The following KCNH5 variants were observed in gnomAD, a reference collection of about 807,000 sequenced individuals.
The protein encoded by KCNH5 is voltage-gated delayed rectifier potassium channel KCNH5.
A neutral mutation model predicts 96.1 loss-of-function variants in KCNH5; 46 were observed. The ratio of observed to expected loss-of-function variants is 0.48; its 90% confidence interval spans 0.38 to 0.61. The LOEUF is 0.61. Ranked by LOEUF, KCNH5 falls within the 20% of genes least tolerant of loss-of-function variation. The pLI, the probability that KCNH5 is intolerant of heterozygous loss-of-function variation, is 0.00. For missense variants in KCNH5, 907 were observed against 1,225.8 expected, an observed-to-expected ratio of 0.74 and a Z score of 3.88; for synonymous variants, 439 against 449.8, an observed-to-expected ratio of 0.98 and a Z score of 0.30.
At chr14:62,764,077 G>C (rs1885810583) in intron 10 of KCNH5, among the ~76,000 whole-genome samples, 1 of 152,078 alleles carries the variant, frequency 6.6e-6, no homozygotes, top group African/African-American at 2.4e-5. Flanking sequence ...TACAAATAAT[G>C]AAAACTGCAG....
At chr14:62,939,448 T>A (rs1889746134) in intron 7 of KCNH5, among the ~76,000 whole-genome samples, 1 of 152,150 alleles carries the variant, frequency 6.6e-6, no homozygotes, top group Admixed American at 6.5e-5. Flanking sequence ...AACCACCTAA[T>A]GAACATTTCC....
At chr14:63,006,731 G>A (rs933076029) in intron 2 of KCNH5, among the ~76,000 whole-genome samples, 1 of 152,188 alleles carries the variant, frequency 6.6e-6, no homozygotes, top group Admixed American at 6.5e-5. Context: ...TATGTTAACT[G>A]TGAGTAATTG....
chr14:62,945,126 G>T (rs1889862125), intron 7 of KCNH5, among the ~76,000 whole-genome samples: 1 of 152,164 alleles, frequency 6.6e-6, no homozygotes, highest in African/African-American at 2.4e-5. Flanking sequence ...TACAGTTTCG[G>T]AAACCCAACT....
chr14:62,780,021 C>A, intron 9 of KCNH5, 97 bp from the exon 10 acceptor site: 1 of 981,470 alleles, frequency 1.0e-6, no homozygotes, highest in Non-Finnish European at 1.4e-6. Flanking sequence ...GACCTTCTAG[C>A]ATAATTTAGA....
At chr14:62,860,505 T>C (rs1365155609) in intron 7 of KCNH5, among the ~76,000 whole-genome samples, 4 of 152,230 alleles carry the variant, frequency 2.6e-5, no homozygotes, top group African/African-American at 9.6e-5. Flanking sequence ...GGAATAATAG[T>C]AGATGTTCAG....
intron 10 of KCNH5, among the ~76,000 whole-genome samples, chr14:62,728,134 A>T (rs1429921739): frequency 6.6e-6 from 1 of 151,392 alleles, no homozygotes; most frequent in Non-Finnish European, 1.5e-5. Context: ...TTAATCCCAC[A>T]CCTTAGGAGG....
At chr14:62,811,561 C>A (rs984648018) in intron 8 of KCNH5, among the ~76,000 whole-genome samples, 6 of 152,118 alleles carry the variant, frequency 3.9e-5, no homozygotes, top group Non-Finnish European at 5.9e-5. Context: ...ATAGACACAG[C>A]TTTCTCATAG....
At chr14:62,999,294 G>A (rs1013311446) in intron 4 of KCNH5, among the ~76,000 whole-genome samples, 3 of 152,222 alleles carry the variant, frequency 2.0e-5, no homozygotes, top group Non-Finnish European at 2.9e-5. Flanking sequence ...CAATGATGAT[G>A]AGCATGTTTT....
At chr14:62,920,130 T>C (rs929340032) in intron 7 of KCNH5, among the ~76,000 whole-genome samples, 1 of 152,076 alleles carries the variant, frequency 6.6e-6, no homozygotes, top group African/African-American at 2.4e-5. Context: ...ATGGAGACTG[T>C]GCTCAACCAG....
intron 6 of KCNH5, among the ~76,000 whole-genome samples, chr14:62,967,111 A>G (rs938766152): frequency 4.6e-5 from 7 of 152,318 alleles, no homozygotes; most frequent in Non-Finnish European, 1.0e-4. Context: ...GAGTCCCACA[A>G]GAGATATGCT....
intron 1 of KCNH5, among the ~76,000 whole-genome samples, chr14:63,020,237 T>C (rs1891399762): frequency 6.6e-6 from 1 of 152,138 alleles, no homozygotes; most frequent in African/African-American, 2.4e-5. Flanking sequence ...AATGGTATGA[T>C]CACTTTGGAA....
chr14:62,944,405 C>T (rs187059517), intron 7 of KCNH5, among the ~76,000 whole-genome samples: 48 of 152,102 alleles, frequency 3.2e-4, no homozygotes, highest in African/African-American at 1.1e-3. Flanking sequence ...CTTAGACAGC[C>T]ACACAGATTG....
intron 10 of KCNH5, among the ~76,000 whole-genome samples, chr14:62,742,812 A>T (rs1191514989): frequency 6.6e-6 from 1 of 152,160 alleles, no homozygotes; most frequent in African/African-American, 2.4e-5. Flanking sequence ...AGGATCATGG[A>T]CTACCTACAT....
At chr14:62,866,269 G>C (rs899687443) in intron 7 of KCNH5, among the ~76,000 whole-genome samples, 3 of 152,186 alleles carry the variant, frequency 2.0e-5, no homozygotes, top group Non-Finnish European at 4.4e-5. Context: ...GTTTCAAAGA[G>C]TGTAAGTTTT....
chr14:62,791,523 C>T (rs8008313), intron 9 of KCNH5, among the ~76,000 whole-genome samples: 5,503 of 151,572 alleles, frequency 0.036, 209 homozygotes, highest in African/African-American at 0.094. Flanking sequence ...CTATATTCTA[C>T]CTATAAGAAC....
rs1015674240 is a variant in KCNH5, at chr14:62,701,681, A to T, written c.*5827T>A. On this transcript the variant is annotated 3_prime_UTR_variant, in exon 11 of 11. Coordinates refer to ENST00000322893, the MANE Select transcript of KCNH5 (RefSeq NM_139318.5). ...GTTTGGGCTGAAGATTCCAGCATGT[A>T]GTGTTGTAATATCTTGTTTTTTTCT... 1 of 152,144 alleles carries T rather than the reference A, an allele frequency of 6.6e-6. No homozygotes were observed. The highest frequency in any genetic ancestry group is 2.4e-5 in the African/African-American group (1 of 41,452). The allele number at this position is 152,144 out of a possible 1,614,324, so 9.4% of individuals were successfully genotyped here.
At chr14:62,875,786 G>A (rs1314285869) in intron 7 of KCNH5, among the ~76,000 whole-genome samples, 1 of 152,174 alleles carries the variant, frequency 6.6e-6, no homozygotes, top group Non-Finnish European at 1.5e-5. Context: ...GGAGGCCGAG[G>A]CAAGTGGATC....
intron 8 of KCNH5, among the ~76,000 whole-genome samples, chr14:62,846,712 T>C (rs1404685001): frequency 6.6e-6 from 1 of 151,140 alleles, no homozygotes. Context: ...CTATTCCCTC[T>C]CTTTTCTTTA....
intron 7 of KCNH5, among the ~76,000 whole-genome samples, chr14:62,856,612 T>C (rs745343547): frequency 6.6e-6 from 1 of 152,198 alleles, no homozygotes; most frequent in Non-Finnish European, 1.5e-5. Flanking sequence ...TGGCTCCGGT[T>C]GGCCTTAGCA....
Sources: allele counts gnomAD v4.1 joint callset (sites outside exome capture counted in the v4.1 genomes callset), GRCh38; gene constraint gnomAD v4.1.1; transcripts MANE v1.5; gene names NCBI Gene and HGNC (gene_info 2026-07-23, HGNC 2026-07-21).